CFAP20DC: variants seen among roughly 807,000 people sequenced by gnomAD.
CFAP20DC encodes protein CFAP20DC.
CFAP20DC carries 84 observed loss-of-function variants against 101.7 expected under a neutral mutation model. That is an observed-to-expected ratio of 0.83 (90% CI 0.69 to 0.99). The LOEUF (loss-of-function observed/expected upper bound fraction) is 0.99. CFAP20DC is among the 50% of genes least tolerant of loss of function. The pLI, the probability that CFAP20DC is intolerant of heterozygous loss-of-function variation, is 0.00. For missense variants in CFAP20DC, 1,007 were observed against 970.3 expected, an observed-to-expected ratio of 1.04 and a Z score of -0.50; for synonymous variants, 359 against 351.2, an observed-to-expected ratio of 1.02 and a Z score of -0.25.
At chr3:58,999,843 T>TAAA (rs565894929) in intron 4 of CFAP20DC, among the ~76,000 whole-genome samples, 40 of 76,784 alleles carry the variant, frequency 5.2e-4, no homozygotes, top group African/African-American at 9.7e-4. Flanking sequence ...GTCACTAATG[T>TAAA]AAAAAAAAAA....
intron 15 of CFAP20DC, chr3:58,794,228 G>GT (rs375902887): frequency 2.5e-3 from 969 of 384,532 alleles, no homozygotes; most frequent in African/African-American, 3.9e-3. Context: ...TCAGAATATA[G>GT]TTTTTTTTTC....
In CFAP20DC at chr3:58,820,831, G is replaced by T. The variant is rs1323966548; in HGVS notation, c.2175+10855C>A. ...ATGGAACCAAAAAAGAGCCCGCATC[G>T]CCAAGTCAATCCTAAGCCAAAAGAA... On this transcript the variant is annotated intron_variant, in intron 14 of 16. Transcript: ENST00000482387. 2.5e-3 allele frequency among the ~76,000 whole-genome samples: 378 copies of T among 148,276 alleles called. 2 individuals carry two copies. The highest frequency in any genetic ancestry group is 9.1e-3 in the African/African-American group (350 of 38,636).
chr3:58,996,519 G>A (rs2093139986), intron 4 of CFAP20DC, among the ~76,000 whole-genome samples: 1 of 152,156 alleles, frequency 6.6e-6, no homozygotes, highest in Non-Finnish European at 1.5e-5. Flanking sequence ...TTCGTTATTT[G>A]CTTCCTCTTA....
chr3:58,827,068 C>A (rs2076089731), intron 14 of CFAP20DC, among the ~76,000 whole-genome samples: 1 of 151,978 alleles, frequency 6.6e-6, no homozygotes, highest in South Asian at 2.1e-4. Flanking sequence ...TTGTCTAAAT[C>A]CATAAAATGC....
At chr3:59,012,880 A>T (rs1401316858) in intron 4 of CFAP20DC, among the ~76,000 whole-genome samples, 2 of 152,162 alleles carry the variant, frequency 1.3e-5, no homozygotes, top group Admixed American at 6.5e-5. Context: ...TTACATTTGT[A>T]TGTAATGTGG....
chr3:58,815,590 A>T (rs1489305410), intron 14 of CFAP20DC, among the ~76,000 whole-genome samples: 4 of 151,552 alleles, frequency 2.6e-5, no homozygotes, highest in Admixed American at 2.6e-4. Flanking sequence ...AATGGGAGAA[A>T]ATTTTCACAA....
intron 5 of CFAP20DC, among the ~76,000 whole-genome samples, chr3:58,936,061 T>A (rs1477719890): frequency 6.6e-6 from 1 of 151,788 alleles, no homozygotes; most frequent in African/African-American, 2.4e-5. Flanking sequence ...TACAATGAAC[T>A]CAAACAAATT....
At chr3:58,944,568 T>C (rs774742302) in intron 4 of CFAP20DC, among the ~76,000 whole-genome samples, 5 of 152,178 alleles carry the variant, frequency 3.3e-5, no homozygotes, top group Non-Finnish European at 5.9e-5. Flanking sequence ...GAGACTAGTA[T>C]AGACATCGTG....
chr3:58,862,291 G>C, intron 12 of CFAP20DC: 1 of 985,318 alleles, frequency 1.0e-6, no homozygotes, highest in Non-Finnish European at 1.2e-6. Flanking sequence ...TTAGACCATG[G>C]AAGGATTATC....
At chr3:58,970,624 T>C (rs1453400366) in intron 4 of CFAP20DC, 1 of 152,128 alleles carries the variant, frequency 6.6e-6, no homozygotes, top group Non-Finnish European at 1.5e-5. Flanking sequence ...ATGGCAGCCC[T>C]CAGAAACCAA....
At chr3:58,943,862 T>A (rs1260933324) in intron 4 of CFAP20DC, among the ~76,000 whole-genome samples, 1 of 151,284 alleles carries the variant, frequency 6.6e-6, no homozygotes, top group Non-Finnish European at 1.5e-5. Flanking sequence ...GAATAACGAG[T>A]TTAGAAAAGA....
intron 15 of CFAP20DC, among the ~76,000 whole-genome samples, chr3:58,782,568 T>C (rs2071934746): frequency 6.6e-6 from 1 of 152,060 alleles, no homozygotes; most frequent in Admixed American, 6.6e-5. Context: ...ATTTGATAAA[T>C]TCAGTAAAGT....
At chr3:59,046,169 A>G in intron 3 of CFAP20DC, 60 bp downstream of exon 3, 1 of 1,128,754 alleles carries the variant, frequency 8.9e-7, no homozygotes, top group Non-Finnish European at 1.3e-6. Context: ...TGTTTATGAG[A>G]CATAAAAGCA....
intron 4 of CFAP20DC, among the ~76,000 whole-genome samples, chr3:59,030,089 A>G (rs1336110499): frequency 2.0e-5 from 3 of 152,186 alleles, no homozygotes; most frequent in Non-Finnish European, 4.4e-5. Flanking sequence ...TGATGTATAA[A>G]TGTATCTTTG....
At chr3:58,741,117 A>G (rs377054841), downstream of CFAP20DC, among the ~76,000 whole-genome samples, 3 of 152,238 alleles carry the variant, frequency 2.0e-5, no homozygotes, top group East Asian at 1.9e-4. Context: ...TTATAGTACC[A>G]CCATTAAATC....
At chr3:58,775,787 C>T (rs1189037103) in intron 15 of CFAP20DC, among the ~76,000 whole-genome samples, 1 of 149,240 alleles carries the variant, frequency 6.7e-6, no homozygotes, top group Non-Finnish European at 1.5e-5. Flanking sequence ...CTCTTGTTGC[C>T]CAGGCTGGAG....
Position 59,005,457 on chromosome 3 carries a change from A to G in CFAP20DC, c.278+34100T>C, listed in dbSNP as rs75365879. Among the ~76,000 whole-genome samples, 867 of 152,336 alleles carry G rather than the reference A, an allele frequency of 5.7e-3. 8 individuals are homozygous for G. Among genetic ancestry groups the G allele is most frequent in the African/African-American group, 0.02 (837 of 41,594 alleles). On this transcript the variant is annotated intron_variant, in intron 4 of 16. Transcript: ENST00000482387. Reference sequence around the variant, plus strand: ...ATACAGACAAGTTTCAGACAAAGTCACCTTACATAACACTATGTTCTGTGG... The same window carrying G: ...ATACAGACAAGTTTCAGACAAAGTCGCCTTACATAACACTATGTTCTGTGG...
At chr3:58,933,522 G>C (rs560869509) in intron 5 of CFAP20DC, among the ~76,000 whole-genome samples, 1 of 152,184 alleles carries the variant, frequency 6.6e-6, no homozygotes. Context: ...ATAGTTGGAA[G>C]TAAAGCTCTC....
intron 14 of CFAP20DC, among the ~76,000 whole-genome samples, chr3:58,819,601 G>A (rs1177824994): frequency 3.4e-5 from 5 of 149,084 alleles, no homozygotes. Context: ...GGAAGAAGTT[G>A]AATCTCTGAA....
Sources: gnomAD v4.1 joint callset for allele counts (sites outside exome capture counted in the v4.1 genomes callset) on GRCh38, gnomAD v4.1.1 for gene constraint, MANE v1.5 for transcripts, NCBI Gene and HGNC (gene_info 2026-07-23, HGNC 2026-07-21) for gene names.